PCDHGA4: variants seen among roughly 807,000 people sequenced by gnomAD.
PCDHGA4 encodes protocadherin gamma-A4.
PCDHGA4 carries 38 observed loss-of-function variants against 54.6 expected under a neutral mutation model. The observed-to-expected ratio is 0.70, with a 90% CI of 0.54 to 0.91. The LOEUF (loss-of-function observed/expected upper bound fraction) is 0.91. Among genes scored for constraint, PCDHGA4 ranks in the 40% least tolerant of loss-of-function variants. The pLI is 0.00. For synonymous variants in PCDHGA4, 511 were observed against 512.9 expected (o/e 1.00, Z 0.05); for missense variants, 1,298 against 1,220.9 (o/e 1.06, Z -0.94).
At chr5:141,483,084 CA>C (rs898059463) in intron 1 of PCDHGA4, among the ~76,000 whole-genome samples, 4 of 150,440 alleles carry the variant, frequency 2.7e-5, no homozygotes, top group Middle Eastern at 3.4e-3. Flanking sequence ...GACTCCATCT[CA>C]AAAAAAAAGT....
At chr5:141,421,977 G>A in intron 1 of PCDHGA4, 1 of 1,609,542 alleles carries the variant, frequency 6.2e-7, no homozygotes, top group Admixed American at 1.7e-5. Context: ...TATATCGCGT[G>A]AGTGTTCCAG....
At chr5:141,364,094 A>G (rs4151697) in intron 1 of PCDHGA4, 43,426 of 397,716 alleles carry the variant, frequency 0.11, 3,266 homozygotes, top group African/African-American at 0.28. Context: ...ATGGAATTTG[A>G]TGCAGTCACT....
intron 1 of PCDHGA4, among the ~76,000 whole-genome samples, chr5:141,444,402 C>A (rs916833331): frequency 6.6e-6 from 1 of 151,932 alleles, no homozygotes; most frequent in Admixed American, 6.6e-5. Flanking sequence ...AACTCCCAAC[C>A]TCAGGTGATC....
intron 1 of PCDHGA4, chr5:141,403,362 G>C: frequency 6.2e-7 from 1 of 1,614,062 alleles, no homozygotes; most frequent in Non-Finnish European, 8.5e-7. Flanking sequence ...CAGGCCGAAA[G>C]TCTGGAAGTA....
chr5:141,364,173 G>C, intron 1 of PCDHGA4: 1 of 806,624 alleles, frequency 1.2e-6, no homozygotes. Flanking sequence ...ACCCGACTCT[G>C]CTCCCTCCAT....
chr5:141,478,911 T>TA, intron 1 of PCDHGA4: 1 of 871,162 alleles, frequency 1.1e-6, no homozygotes, highest in Non-Finnish European at 1.7e-6. Flanking sequence ...AGCTGCTGGA[T>TA]ACCTCTAACC....
At chr5:141,451,238 T>A (rs1167769789) in intron 1 of PCDHGA4, among the ~76,000 whole-genome samples, 6 of 152,214 alleles carry the variant, frequency 3.9e-5, no homozygotes, top group African/African-American at 1.4e-4. Context: ...TATTATCTCA[T>A]AAATTTTGTG....
Position 141,365,100 on chromosome 5 carries a change from T to C in PCDHGA4, c.2514+7479T>C, listed in dbSNP as rs1763736772. The C allele has an allele frequency of 3.1e-6, 5 of 1,613,846 alleles. No homozygotes were observed. The East Asian group carries it at 1.1e-4, about 36-fold the overall frequency. Reference sequence around the variant, plus strand: ...GTGAGTGTTCCAGAGAACATACCTGTGGGCACTCGGCTGCTCATGCTAACC... The same window carrying C: ...GTGAGTGTTCCAGAGAACATACCTGCGGGCACTCGGCTGCTCATGCTAACC... On this transcript the variant is annotated intron_variant, in intron 1 of 3. Coordinates refer to ENST00000571252, the MANE Select transcript of PCDHGA4 (RefSeq NM_018917.4).
chr5:141,492,106 C>T (rs1265796740), intron 1 of PCDHGA4, among the ~76,000 whole-genome samples: 2 of 152,238 alleles, frequency 1.3e-5, no homozygotes, highest in South Asian at 2.1e-4. Flanking sequence ...TGTAGATTTC[C>T]TCTTCGATTT....
chr5:141,427,467 T>TC, intron 1 of PCDHGA4: 1 of 508,052 alleles, frequency 2.0e-6, no homozygotes. Flanking sequence ...AATCGAATCT[T>TC]CCGCCAATAA....
chr5:141,496,554 G>T (rs2099769470), intron 2 of PCDHGA4, among the ~76,000 whole-genome samples: 1 of 152,160 alleles, frequency 6.6e-6, no homozygotes, highest in Non-Finnish European at 1.5e-5. Context: ...TTCTGGGCAT[G>T]CACAGTCCTG....
intron 1 of PCDHGA4, among the ~76,000 whole-genome samples, chr5:141,458,227 G>T (rs2154566190): frequency 6.6e-6 from 1 of 152,284 alleles, no homozygotes; most frequent in South Asian, 2.1e-4. Context: ...TCCTTTCCCA[G>T]TCCATGCACC....
rs758515649 is a variant in PCDHGA4 at position 141,432,368 on chromosome 5, A to G, written c.2515-62439A>G. On this transcript the variant is annotated intron_variant, in intron 1 of 3. Coordinates refer to ENST00000571252, the MANE Select transcript of PCDHGA4 (RefSeq NM_018917.4). This position sits in a 1 kb window ranked among gnomAD's most constrained non-coding sequence, Gnocchi z 6.0. ...GCAAGTGAAAGTGATGGCGCGGGAC[A>G]ACGGGCACCCGCCCCTCAGCAGCAA... 1.2e-6 allele frequency: 2 copies of G among 1,614,110 alleles called. No homozygotes were observed. Among genetic ancestry groups the G allele is most frequent in the Non-Finnish European group, 1.7e-6 (2 of 1,180,054 alleles).
chr5:141,392,145 C>T (rs2150471723), intron 1 of PCDHGA4: 1 of 152,264 alleles, frequency 6.6e-6, no homozygotes, highest in East Asian at 1.9e-4. Context: ...GTAGTTTAAA[C>T]CAAATAAAAC....
At chr5:141,375,731 C>G in intron 1 of PCDHGA4, 2 of 1,614,256 alleles carry the variant, frequency 1.2e-6, no homozygotes, top group Non-Finnish European at 1.7e-6. Context: ...GTCACTGAGC[C>G]TGTTTGTGCT....
chr5:141,428,057 G>T, intron 1 of PCDHGA4: 1 of 1,609,044 alleles, frequency 6.2e-7, no homozygotes, highest in Non-Finnish European at 8.5e-7. Flanking sequence ...AGGTGGTGGC[G>T]GTGGACGCAG....
At chr5:141,448,150 C>T (rs1182411283) in intron 1 of PCDHGA4, among the ~76,000 whole-genome samples, 4 of 151,924 alleles carry the variant, frequency 2.6e-5, no homozygotes, top group Non-Finnish European at 5.9e-5. Flanking sequence ...CTCAGACTCA[C>T]CCCTGAAAGA....
chr5:141,395,101 C>G, intron 1 of PCDHGA4: 3 of 1,614,164 alleles, frequency 1.9e-6, no homozygotes, highest in East Asian at 2.2e-5. Context: ...ACCGCCGACT[C>G]GCGGAAGAGT....
chr5:141,423,253 C>G (rs750278899), intron 1 of PCDHGA4: 1 of 1,613,916 alleles, frequency 6.2e-7, no homozygotes, highest in Admixed American at 1.7e-5. Flanking sequence ...CCTGGCGGAC[C>G]TCGGCAGCCT....
Sources: allele counts gnomAD v4.1 joint callset (sites outside exome capture counted in the v4.1 genomes callset), GRCh38; gene constraint gnomAD v4.1.1; non-coding constraint Gnocchi (gnomAD v3.1); transcripts MANE v1.5; gene names NCBI Gene and HGNC (gene_info 2026-07-23, HGNC 2026-07-21).